The following NINL variants were observed in gnomAD, a reference collection of about 807,000 sequenced individuals.
The protein encoded by NINL is ninein like.
In NINL, 153 loss-of-function variants were observed where a neutral mutation model predicts 160.3. That is an observed-to-expected ratio of 0.95 (90% CI 0.84 to 1.09). NINL has a LOEUF of 1.09. NINL is among the 50% of genes least tolerant of loss of function. The probability of loss-of-function intolerance (pLI) is 0.00; values close to 1 mark genes in which losing one functional copy is unlikely to be tolerated. For synonymous variants in NINL, 800 were observed against 734.8 expected (o/e 1.09, Z -1.43); for missense variants, 1,829 against 1,764.0 (o/e 1.04, Z -0.66).
intron 9 of NINL, among the ~76,000 whole-genome samples, chr20:25,497,917 A>G (rs1462261067): frequency 6.6e-6 from 1 of 152,184 alleles, no homozygotes; most frequent in Non-Finnish European, 1.5e-5. Context: ...CGAGCCTTAA[A>G]TTGTGTAGAC....
In NINL at chr20:25,504,969, C is replaced by T; in HGVS notation, c.627G>A (p.Gly209=). The change falls in exon 6 of 24, where the codon GGG becomes GGA. Residue 209 remains glycine, a synonymous_variant. Transcript: ENST00000278886. ...CGCTCAGGTGTCCGCTGCTGCCCAC[C>T]CCCAGCTCTTCCCACACGCCCCGGA... ...SQIRGVWEEL[G]VGSSGHLSEQ... 4 of 1,613,522 alleles carry T rather than the reference C, an allele frequency of 2.5e-6. No individual in the cohort carries two copies. Among genetic ancestry groups the T allele is most frequent in the Non-Finnish European group, 3.4e-6 (4 of 1,180,000 alleles).
chr20:25,569,989 G>GA (rs1486600699), intron 1 of NINL, among the ~76,000 whole-genome samples: 2 of 151,796 alleles, frequency 1.3e-5, no homozygotes, highest in African/African-American at 4.8e-5. Flanking sequence ...GGCCAGCCTG[G>GA]CCAACATGGC....
At position 25,489,257 on chromosome 20, in the gene NINL, T is replaced by G; in HGVS notation, c.1664A>C (p.Glu555Ala). The change falls in exon 13 of 24, where the codon GAG becomes GCG. Residue 555 changes from glutamate to alanine, a missense_variant. Glu to Ala is a moderately radical substitution (Grantham distance 107). Transcript: ENST00000278886. ...ERFAAVLKEY[E>A]LKCRDLQDRN... ...GCAGGCACGTACCCGGCACTTGAGC[T>G]CGTATTCCTTCAGGACTGCTGCGAA... 1 of 1,614,056 alleles carries G rather than the reference T, an allele frequency of 6.2e-7. No homozygotes were observed.
intron 1 of NINL, among the ~76,000 whole-genome samples, chr20:25,561,511 G>A (rs2064937249): frequency 2.0e-5 from 3 of 151,938 alleles, no homozygotes; most frequent in Non-Finnish European, 2.9e-5. Context: ...GGGATGTGAG[G>A]AGCCCCTCTG....
intron 7 of NINL, 24 bp from the exon 8 acceptor site, chr20:25,501,034 A>T: frequency 6.2e-7 from 1 of 1,609,250 alleles, no homozygotes; most frequent in Non-Finnish European, 8.5e-7. Context: ...AGACTTCCAT[A>T]GCGCCCAGCG....
At chr20:25,501,474 C>T (rs896915538) in intron 7 of NINL, among the ~76,000 whole-genome samples, 2 of 152,166 alleles carry the variant, frequency 1.3e-5, no homozygotes, top group African/African-American at 4.8e-5. Flanking sequence ...AGTGCGCTGG[C>T]CCAGGCAGAG....
intron 1 of NINL, among the ~76,000 whole-genome samples, chr20:25,562,191 C>G (rs1471131878): frequency 7.1e-6 from 1 of 141,094 alleles, no homozygotes; most frequent in East Asian, 2.0e-4. Flanking sequence ...GCCCCCTGCC[C>G]GGCCAGCCGC....
chr20:25,479,180 C>T lies in NINL; in HGVS notation c.1944G>A (p.Ala648=), dbSNP rs544713504. 128 of 1,608,974 alleles carry T rather than the reference C, an allele frequency of 8.0e-5. No homozygotes were observed. The highest frequency in any genetic ancestry group is 6.2e-4 in the South Asian group (56 of 90,918). The change falls in exon 16 of 24, where the codon GCG becomes GCA. Residue 648 remains alanine (A), a synonymous_variant. Transcript: ENST00000278886. ...TKVNYYEREI[A]ALKRNFEKER... ...CCTTCTCAAAGTTCCTTTTCAGTGCCGCAATTTCCCTTTCGTAGTAATTTA... is the reference window on the plus strand; with the variant it reads ...CCTTCTCAAAGTTCCTTTTCAGTGCTGCAATTTCCCTTTCGTAGTAATTTA...
chr20:25,559,152 T>C (rs2064903632), intron 1 of NINL, among the ~76,000 whole-genome samples: 2 of 152,228 alleles, frequency 1.3e-5, no homozygotes, highest in African/African-American at 4.8e-5. Flanking sequence ...GCAAGGTATC[T>C]GCTCACCCAG....
intron 1 of NINL, among the ~76,000 whole-genome samples, chr20:25,548,634 C>T (rs924137471): frequency 6.6e-6 from 1 of 151,462 alleles, no homozygotes; most frequent in African/African-American, 2.4e-5. Flanking sequence ...GCCACACGTC[C>T]CACACCCAGC....
rs772672252 is a variant in NINL at position 25,479,041 on chromosome 20, C to A, written c.2083G>T (p.Glu695Ter). Residue 695 changes from glutamate to a stop codon, truncating the protein, a stop_gained, in exon 16 of 24, where the codon GAG (glutamate) becomes TAG (stop). Transcript: ENST00000278886. LOFTEE classifies it high-confidence loss of function. ...KSQEVIWGLQ[E>*]QLQDTARGPE... is the part of the protein sequence containing the mutation. ...CCGCGGGCTGTGTCCTGCAGCTGCTCCTGCAGGCCCCAGATGACCTCCTGA... is the reference window on the plus strand; with the variant it reads ...CCGCGGGCTGTGTCCTGCAGCTGCTACTGCAGGCCCCAGATGACCTCCTGA... 5 of 1,611,454 alleles carry A rather than the reference C, an allele frequency of 3.1e-6. No homozygotes were observed. Among genetic ancestry groups the A allele is most frequent in the Non-Finnish European group, 3.4e-6 (4 of 1,180,014 alleles).
At chr20:25,585,161 C>T (rs1266978460) in intron 1 of NINL, among the ~76,000 whole-genome samples, 1 of 152,208 alleles carries the variant, frequency 6.6e-6, no homozygotes, top group Non-Finnish European at 1.5e-5. Flanking sequence ...GACCCGGGCC[C>T]TCGTTCGCAC....
chr20:25,552,713 C>A (rs897910688), intron 1 of NINL, among the ~76,000 whole-genome samples: 2 of 152,224 alleles, frequency 1.3e-5, no homozygotes, highest in Non-Finnish European at 1.5e-5. Flanking sequence ...CTGGAAAGAA[C>A]CACATCCCAG....
At position 25,526,629 on chromosome 20, in the gene NINL, C is replaced by T. The variant is rs375484374; in HGVS notation, c.-11-31G>A. 1.1e-5 allele frequency: 17 copies of T among 1,591,540 alleles called. No individual in the cohort carries two copies. The Admixed American group carries it at 2.7e-4, about 25-fold the overall frequency. ...AGTGTGCAAGGGAAGAAGAAAACATCAGGACACTTTCCCACCTCCCCTCCC... is the reference window on the plus strand; with the variant it reads ...AGTGTGCAAGGGAAGAAGAAAACATTAGGACACTTTCCCACCTCCCCTCCC... On this transcript the variant is annotated intron_variant, in intron 1 of 23. Transcript: ENST00000278886.
intron 3 of NINL, among the ~76,000 whole-genome samples, chr20:25,514,086 G>A (rs187650910): frequency 1.1e-4 from 17 of 152,350 alleles, no homozygotes; most frequent in Admixed American, 6.5e-4. Context: ...ACAGAAAGAC[G>A]TGGGAAAGTT....
At chr20:25,507,789 G>C (rs2063991142) in intron 5 of NINL, among the ~76,000 whole-genome samples, 1 of 152,196 alleles carries the variant, frequency 6.6e-6, no homozygotes, top group African/African-American at 2.4e-5. Context: ...CCACCTTCGA[G>C]GTCCCTTCCG....
chr20:25,472,358 T>TATATAC (rs2063122856), intron 17 of NINL, among the ~76,000 whole-genome samples: 3 of 132,446 alleles, frequency 2.3e-5, no homozygotes, highest in African/African-American at 8.6e-5. Flanking sequence ...TATATATATA[T>TATATAC]ATATATATAC....
At position 25,500,987 on chromosome 20, in the gene NINL, G is replaced by A; in HGVS notation, c.885C>T (p.His295=). The A allele has an allele frequency of 1.2e-6, 2 of 1,613,866 alleles. No homozygotes were observed. The highest frequency in any genetic ancestry group is 1.7e-6 in the Non-Finnish European group (2 of 1,179,976). The part of the protein sequence containing the change: ...HYQVPEESGC[H]TTTTSSLVSL... ...ACACGAGGGATGAGGTTGTGGTGGT[G>A]TGGCAGCCGCTCTCCTCTGGGACCT... The change falls in exon 8 of 24, where the codon CAC becomes CAT. Residue 295 remains histidine, a synonymous_variant. Coordinates refer to ENST00000278886, the MANE Select transcript of NINL (RefSeq NM_025176.6).
chr20:25,510,567 C>T (rs2064049130), intron 5 of NINL, 107 bp downstream of exon 5: 2 of 976,232 alleles, frequency 2.0e-6, no homozygotes, highest in African/African-American at 1.6e-5. Context: ...CCATGCATTT[C>T]CCAGGAAATT....
Sources: gnomAD v4.1 joint callset for allele counts (sites outside exome capture counted in the v4.1 genomes callset) on GRCh38, gnomAD v4.1.1 for gene constraint, MANE v1.5 for transcripts, NCBI Gene and HGNC (gene_info 2026-07-23, HGNC 2026-07-21) for gene names.